The following NVL variants were observed in gnomAD, a reference collection of about 807,000 sequenced individuals.
The protein encoded by NVL is nuclear valosin-containing protein-like.
Under a neutral mutation model 110.2 loss-of-function variants are expected in NVL, and 84 were observed. The ratio of observed to expected loss-of-function variants is 0.76; its 90% CI spans 0.64 to 0.91. The LOEUF is 0.91. Among genes scored for constraint, NVL ranks in the 40% least tolerant of loss-of-function variants. The pLI, the probability that NVL is intolerant of heterozygous loss-of-function variation, is 0.00. For synonymous variants in NVL, 354 were observed against 361.1 expected (o/e 0.98, Z 0.22); for missense variants, 882 against 1,035.9 (o/e 0.85, Z 2.04).
At chr1:224,232,337 C>A (rs375257554) in intron 21 of NVL, among the ~76,000 whole-genome samples, 4 of 151,246 alleles carry the variant, frequency 2.6e-5, no homozygotes, top group Admixed American at 6.6e-5. Flanking sequence ...TGAGTGAGAG[C>A]GAGACTCTGT....
intron 12 of NVL, among the ~76,000 whole-genome samples, chr1:224,293,070 A>ATTTT (rs1157220455): frequency 1.6e-5 from 2 of 125,144 alleles, no homozygotes; most frequent in Non-Finnish European, 3.4e-5. Flanking sequence ...TTTCAGAACA[A>ATTTT]TTTTTTTTTT....
chr1:224,298,271 CA>C (rs1558324216), intron 10 of NVL: 1 of 279,154 alleles, frequency 3.6e-6, no homozygotes, highest in African/African-American at 2.3e-5. Context: ...GGGTACTGTT[CA>C]AAAAGGAATG....
intron 15 of NVL, among the ~76,000 whole-genome samples, chr1:224,283,237 C>T (rs1442765342): frequency 6.6e-6 from 1 of 152,146 alleles, no homozygotes; most frequent in Admixed American, 6.6e-5. Flanking sequence ...CCTGTAATCC[C>T]AGCACTTTGG....
chr1:224,294,174 G>T, intron 12 of NVL, 93 bp downstream of exon 12: 1 of 1,317,716 alleles, frequency 7.6e-7, no homozygotes, highest in Non-Finnish European at 1.1e-6. Flanking sequence ...GAGAGAGAAA[G>T]AAAAGGCTAC....
In NVL at chr1:224,303,658, G is replaced by T. The variant is rs114612506; in HGVS notation, c.960+65C>A. ...ATGTCTGGTTTAAGTTGACCAAAGA[G>T]AAAAAACAAAAACAAATAATAACAA... On this transcript the variant is annotated intron_variant, in intron 9 of 22. Coordinates refer to ENST00000281701, the MANE Select transcript of NVL (RefSeq NM_002533.4). 1,477 of 1,555,150 alleles carry T rather than the reference G, an allele frequency of 9.5e-4. 20 individuals are homozygous for T. The African/African-American group carries it at 0.016, about 17-fold the overall frequency.
rs1669136117 is a variant in NVL, at chr1:224,308,281, C to T, written c.343-18G>A. The T allele has an allele frequency of 6.3e-7, 1 of 1,581,422 alleles. No individual in the cohort carries two copies. Among genetic ancestry groups the T allele is most frequent in the African/African-American group, 1.4e-5 (1 of 73,762 alleles). On this transcript the variant is annotated intron_variant, in intron 5 of 22. Transcript: ENST00000281701. ...TTTGCTGACTGGCAGAAAGATAAAA[C>T]AAAATTGTAGCATAAATTACTCAAC... is the stretch of plus-strand genomic sequence containing the variant.
intron 18 of NVL, among the ~76,000 whole-genome samples, chr1:224,266,494 A>G (rs1664515476): frequency 1.3e-5 from 2 of 152,154 alleles, no homozygotes; most frequent in Non-Finnish European, 2.9e-5. Flanking sequence ...CCTTGGGGTG[A>G]TGCAGCAAGA....
At chr1:224,316,802 G>A (rs563908191) in intron 4 of NVL, among the ~76,000 whole-genome samples, 11 of 152,072 alleles carry the variant, frequency 7.2e-5, no homozygotes, top group Non-Finnish European at 1.6e-4. Context: ...AGTTCAGTGA[G>A]TATATCTATA....
chr1:224,276,529 C>T (rs1419586021), intron 16 of NVL, among the ~76,000 whole-genome samples: 1 of 152,146 alleles, frequency 6.6e-6, no homozygotes, highest in Non-Finnish European at 1.5e-5. Flanking sequence ...TGAGCCACTG[C>T]CCCCGGCCTA....
chr1:224,285,875 C>G, intron 15 of NVL, 151 bp downstream of exon 15: 1 of 567,838 alleles, frequency 1.8e-6, no homozygotes, highest in Non-Finnish European at 3.1e-6. Context: ...AAGTAGGAAA[C>G]TTTAATGAAG....
In NVL at chr1:224,289,615, CT is replaced by C; in HGVS notation, c.1443del (p.Ala482GlnfsTer9). On this transcript the variant is annotated frameshift_variant, in exon 13 of 23. Coordinates refer to ENST00000281701, the MANE Select transcript of NVL (RefSeq NM_002533.4). LOFTEE classifies it high-confidence loss of function. Reference sequence around the variant, plus strand: ...AAGACTCTATTGACTGCACACATTGCTGCCTCTCGGCACAGTGCCATGAGAT... The same window carrying C: ...AAGACTCTATTGACTGCACACATTGCGCCTCTCGGCACAGTGCCATGAGAT... The part of the protein sequence containing the change: ...GADLMALCRE[A>X]AMCAVNRVLM... The C allele has an allele frequency of 6.2e-7, 1 of 1,614,268 alleles. No individual in the cohort carries two copies. Among genetic ancestry groups the C allele is most frequent in the Admixed American group, 1.7e-5 (1 of 60,034 alleles).
At chr1:224,273,011 G>A (rs1302087498) in intron 17 of NVL, among the ~76,000 whole-genome samples, 4 of 141,704 alleles carry the variant, frequency 2.8e-5, no homozygotes, top group Non-Finnish European at 6.1e-5. Flanking sequence ...TCCAGCCTGG[G>A]CGACAGAGCG....
intron 4 of NVL, among the ~76,000 whole-genome samples, chr1:224,313,782 C>T (rs2102749370): frequency 6.6e-6 from 1 of 152,204 alleles, no homozygotes; most frequent in East Asian, 1.9e-4. Context: ...GTGGGCGGAT[C>T]GCCTGAGGTC....
intron 19 of NVL, among the ~76,000 whole-genome samples, chr1:224,242,112 A>T (rs1282558479): frequency 6.6e-6 from 1 of 152,106 alleles, no homozygotes; most frequent in Non-Finnish European, 1.5e-5. Flanking sequence ...AAGCATAGAG[A>T]CAGAAAGTAG....
chr1:224,296,511 G>C lies in NVL; in HGVS notation c.1170C>G (p.Thr390=). Residue 390 remains threonine, a synonymous_variant, in exon 11 of 23, where the codon ACC becomes ACG. Transcript: ENST00000281701. ...MERRIVAQLL[T]CMDDLNNVAA... Reference sequence around the variant, plus strand: ...TTATTTTAAACTAACCATCCATGCAGGTTAGGAGTTGGGCTACAATTCTTC... The same window carrying C: ...TTATTTTAAACTAACCATCCATGCACGTTAGGAGTTGGGCTACAATTCTTC... The C allele has an allele frequency of 6.3e-7, 1 of 1,577,756 alleles. No homozygotes were observed. The highest frequency in any genetic ancestry group is 8.7e-7 in the Non-Finnish European group (1 of 1,155,136).
At chr1:224,304,951 C>T (rs932111125) in intron 7 of NVL, 83 bp downstream of exon 7, 6 of 1,562,452 alleles carry the variant, frequency 3.8e-6, no homozygotes, top group Non-Finnish European at 4.4e-6. Flanking sequence ...ATAGAAGGTC[C>T]CTCAAGCAAA....
At chr1:224,290,642 G>A (rs1667278260) in intron 12 of NVL, among the ~76,000 whole-genome samples, 1 of 151,848 alleles carries the variant, frequency 6.6e-6, no homozygotes, top group Non-Finnish European at 1.5e-5. Context: ...CTCTACTAAA[G>A]ATACAAAAAA....
At chr1:224,281,718 C>T (rs1242249339) in intron 15 of NVL, among the ~76,000 whole-genome samples, 5 of 150,812 alleles carry the variant, frequency 3.3e-5, no homozygotes, top group Admixed American at 6.6e-5. Context: ...TTTGGGAGGC[C>T]GAGGCGGGTG....
intron 9 of NVL, 93 bp downstream of exon 9, chr1:224,303,630 G>A (rs923351614): frequency 7.6e-7 from 1 of 1,311,566 alleles, no homozygotes; most frequent in East Asian, 2.4e-5. Flanking sequence ...CCTGAAGAAT[G>A]CCATGTCTGG....
Sources: gnomAD v4.1 joint callset for allele counts (sites outside exome capture counted in the v4.1 genomes callset) on GRCh38, gnomAD v4.1.1 for gene constraint, MANE v1.5 for transcripts, NCBI Gene and HGNC (gene_info 2026-07-23, HGNC 2026-07-21) for gene names.